PRTN3: variants seen among roughly 807,000 people sequenced by gnomAD.
PRTN3 encodes the protein proteinase 3, also known as myeloblastin.
Under a neutral mutation model 20.7 loss-of-function variants are expected in PRTN3, and 22 were observed. The ratio of observed to expected loss-of-function variants is 1.06; its 90% CI spans 0.76 to 1.52. The LOEUF (loss-of-function observed/expected upper bound fraction) is 1.52. Among genes scored for constraint, PRTN3 ranks in the 40% most tolerant of loss-of-function variants. The pLI is 0.00. For synonymous variants in PRTN3, 173 were observed against 152.9 expected (o/e 1.13, Z -0.97); for missense variants, 378 against 359.6 (o/e 1.05, Z -0.41).
chr19:843,514 C>CG lies in PRTN3; in HGVS notation c.117dup (p.Pro40AlafsTer147), dbSNP rs1356463510. The CG allele has an allele frequency of 6.3e-7, 1 of 1,589,268 alleles. No individual in the cohort carries two copies. Among genetic ancestry groups the CG allele is most frequent in the Non-Finnish European group, 8.5e-7 (1 of 1,171,022 alleles). ...CGGGCACGAGGCGCAGCCACACTCC[C>CG]GGCCCTACATGGCCTCCCTGCAGAT... On this transcript the variant is annotated frameshift_variant, in exon 2 of 5. Coordinates refer to ENST00000234347, the MANE Select transcript of PRTN3 (RefSeq NM_002777.4). LOFTEE classifies it high-confidence loss of function.
rs2035544248 is a variant in PRTN3, at chr19:848,146, CACCGTG to C, written c.*181_*186del. 1.4e-6 allele frequency: 1 copy of C among 728,000 alleles called. No homozygotes were observed. The highest frequency in any genetic ancestry group is 2.2e-6 in the Non-Finnish European group (1 of 456,968). The allele number at this position is 728,000 out of a possible 1,614,324, so 45.1% of individuals were successfully genotyped here. Reference sequence around the variant, plus strand: ...GACAGGCCGGCCCTGCACCTCACCCCACCGTGACCTCAATAAACGTTGAAACTCCCC... The same window carrying C: ...GACAGGCCGGCCCTGCACCTCACCCCACCTCAATAAACGTTGAAACTCCCC... On this transcript the variant is annotated 3_prime_UTR_variant, in exon 5 of 5. Transcript: ENST00000234347.
rs777306065 is a variant in PRTN3, at chr19:847,924, G to T, written c.726G>T (p.Trp242Cys). 1 of 1,607,554 alleles carries T rather than the reference G, an allele frequency of 6.2e-7. No individual in the cohort carries two copies. Among genetic ancestry groups the T allele is most frequent in the Admixed American group, 1.7e-5 (1 of 59,390 alleles). The change falls in exon 5 of 5, where the codon TGG (tryptophan) becomes TGT (cysteine). Residue 242 changes from tryptophan to cysteine, a missense_variant. Physicochemically the swap from Trp to Cys is radical, Grantham distance 215 (BLOSUM62 -2). Coordinates refer to ENST00000234347, the MANE Select transcript of PRTN3 (RefSeq NM_002777.4). Reference sequence around the variant, plus strand: ...CGCGGGTAGCCCTCTACGTGGACTGGATCCGTTCCACGCTGCGCCGTGTGG... The same window carrying T: ...CGCGGGTAGCCCTCTACGTGGACTGTATCCGTTCCACGCTGCGCCGTGTGG... ...FFTRVALYVDWIRSTLRRVEA... is the reference protein window; with the variant it reads ...FFTRVALYVDCIRSTLRRVEA...
At position 846,143 on chromosome 19, in the gene PRTN3, C is replaced by T. The variant is rs766017640; in HGVS notation, c.370-4C>T. ...GTCTCACCGCCGCCTGCCTTCTGCC[C>T]CAGCTGAGCAGCCCAGCCAACCTCA... On this transcript the variant is annotated splice_polypyrimidine_tract_variant and splice_region_variant and intron_variant, in intron 3 of 4. Coordinates refer to ENST00000234347, the MANE Select transcript of PRTN3 (RefSeq NM_002777.4). 2.8e-6 allele frequency: 4 copies of T among 1,417,444 alleles called. No individual in the cohort carries two copies. The South Asian group carries it at 6.0e-5, about 21-fold the overall frequency. The allele number at this position is 1,417,444 out of a possible 1,614,324, so 87.8% of individuals were successfully genotyped here.
Position 846,317 on chromosome 19 carries a change from C to A in PRTN3, c.540C>A (p.Phe180Leu), listed in dbSNP as rs1218458550. ...LQELNVTVVT[F>L]FCRPHNICTF... ...AGCTCAATGTCACCGTGGTCACCTT[C>A]TTCTGCCGGCCACATAACATTTGCA... The change falls in exon 4 of 5, where the codon TTC becomes TTA. Residue 180 changes from phenylalanine (F) to leucine (L), a missense_variant. Transcript: ENST00000234347. The A allele has an allele frequency of 6.3e-7, 1 of 1,592,900 alleles. No individual in the cohort carries two copies. The highest frequency in any genetic ancestry group is 1.7e-5 in the Admixed American group (1 of 57,422).
intron 3 of PRTN3, among the ~76,000 whole-genome samples, chr19:845,871 G>T (rs1456619307): frequency 6.6e-6 from 1 of 151,772 alleles, no homozygotes; most frequent in Non-Finnish European, 1.5e-5. Flanking sequence ...CACCCAATGG[G>T]ATGGCTCCGG....
Position 847,959 on chromosome 19 carries a change from G to T in PRTN3, c.761G>T (p.Gly254Val), listed in dbSNP as rs1568301301. Residue 254 changes from glycine to valine, a missense_variant, in exon 5 of 5, where the codon GGC (glycine) becomes GTC (valine). By Grantham distance (109) the Gly-to-Val change is moderately radical. Coordinates refer to ENST00000234347, the MANE Select transcript of PRTN3 (RefSeq NM_002777.4). ...RSTLRRVEAKGRP is the reference protein window; with the variant it reads ...RSTLRRVEAKVRP ...ACGCTGCGCCGTGTGGAGGCCAAGG[G>T]CCGCCCCTGAACCGCCCCTCCCACA... The T allele has an allele frequency of 6.2e-7, 1 of 1,600,272 alleles. No homozygotes were observed. The highest frequency in any genetic ancestry group is 1.7e-5 in the Admixed American group (1 of 58,728).
At chr19:847,380 T>A (rs1394084276) in intron 4 of PRTN3, among the ~76,000 whole-genome samples, 1 of 151,378 alleles carries the variant, frequency 6.6e-6, no homozygotes, top group Non-Finnish European at 1.5e-5. Flanking sequence ...GAGGTTGCAG[T>A]GAGCCGAGAT....
intron 4 of PRTN3, among the ~76,000 whole-genome samples, chr19:847,560 AGAGAGAG>A (rs1568301039): frequency 4.8e-5 from 7 of 147,122 alleles, no homozygotes; most frequent in African/African-American, 1.3e-4. Context: ...AAAGAAAGAG[AGAGAGAG>A]AGAGAGAGAG....
At chr19:843,420 C>A (rs1332655603) in intron 1 of PRTN3, 41 bp from the exon 2 acceptor site, 2 of 1,504,346 alleles carry the variant, frequency 1.3e-6, no homozygotes, top group Non-Finnish European at 1.8e-6. Context: ...CCTTTCCCTG[C>A]AGCCTGGGGG....
intron 1 of PRTN3, 54 bp from the exon 2 acceptor site, chr19:843,407 C>A: frequency 6.7e-7 from 1 of 1,482,710 alleles, no homozygotes; most frequent in Non-Finnish European, 9.0e-7. Flanking sequence ...CTCTGCCATC[C>A]CCCCTTTCCC....
At chr19:847,437 A>G (rs2035530437) in intron 4 of PRTN3, among the ~76,000 whole-genome samples, 1 of 151,876 alleles carries the variant, frequency 6.6e-6, no homozygotes, top group Admixed American at 6.6e-5. Context: ...ACTCTGTCGC[A>G]AACAAAACAA....
chr19:848,159 A>G lies in PRTN3; in HGVS notation c.*190A>G, dbSNP rs562155910. 5.7e-4 allele frequency: 380 copies of G among 671,370 alleles called. 1 individual carries two copies. The highest frequency in any genetic ancestry group is 2.5e-3 in the Middle Eastern group (6 of 2,366). The allele number at this position is 671,370 out of a possible 1,614,324, so 41.6% of individuals were successfully genotyped here. ...TGCACCTCACCCCACCGTGACCTCA[A>G]TAAACGTTGAAACTCCCCCTGGCTC... On this transcript the variant is annotated 3_prime_UTR_variant, in exon 5 of 5. Transcript: ENST00000234347.
intron 1 of PRTN3, among the ~76,000 whole-genome samples, chr19:841,397 T>A (rs1194350905): frequency 6.6e-6 from 1 of 152,158 alleles, no homozygotes; most frequent in Non-Finnish European, 1.5e-5. Flanking sequence ...TCAGTGAATA[T>A]GCATGAATGA....
rs764300598 is a variant in PRTN3, at chr19:847,882, T to C, written c.684T>C (p.Leu228=). 1.2e-6 allele frequency: 2 copies of C among 1,608,430 alleles called. No homozygotes were observed. Among genetic ancestry groups the C allele is most frequent in the Non-Finnish European group, 1.7e-6 (2 of 1,177,286 alleles). Reference sequence around the variant, plus strand: ...TGATCTGGGGATGTGCCACCCGCCTTTTCCCTGACTTCTTCACGCGGGTAG... The same window carrying C: ...TGATCTGGGGATGTGCCACCCGCCTCTTCCCTGACTTCTTCACGCGGGTAG... The part of the protein sequence containing the change: ...SFVIWGCATR[L]FPDFFTRVAL... The change falls in exon 5 of 5, where the codon CTT becomes CTC. Residue 228 remains leucine, a synonymous_variant. Transcript: ENST00000234347.
In PRTN3 at chr19:848,092, C is replaced by T. The variant is rs1298269750; in HGVS notation, c.*123C>T. ...CGTCCGGGACGGCCCCACCCGTCCC[C>T]CCACACTCCCTCCCACGGGGCTCCG... On this transcript the variant is annotated 3_prime_UTR_variant, in exon 5 of 5. Coordinates refer to ENST00000234347, the MANE Select transcript of PRTN3 (RefSeq NM_002777.4). 2.5e-6 allele frequency: 3 copies of T among 1,222,714 alleles called. No homozygotes were observed. Among genetic ancestry groups the T allele is most frequent in the East Asian group, 5.1e-5 (2 of 38,970 alleles). The allele number at this position is 1,222,714 out of a possible 1,614,324, so 75.7% of individuals were successfully genotyped here.
At chr19:847,207 A>G (rs934826782) in intron 4 of PRTN3, among the ~76,000 whole-genome samples, 4 of 152,074 alleles carry the variant, frequency 2.6e-5, no homozygotes, top group African/African-American at 9.7e-5. Flanking sequence ...TCAGGAGGCT[A>G]AGGCAGGAGG....
chr19:846,498 G>T, intron 4 of PRTN3, 121 bp downstream of exon 4: 5 of 1,049,880 alleles, frequency 4.8e-6, no homozygotes, highest in Non-Finnish European at 6.8e-6. Flanking sequence ...CTCCCCACCT[G>T]GAAGGTGGGC....
Position 843,476 on chromosome 19 carries a change from C to G in PRTN3, c.77C>G (p.Ala26Gly). ...ALLLSGAARAAEIVGGHEAQP... is the reference protein window; with the variant it reads ...ALLLSGAARAGEIVGGHEAQP... ...CCCCCTGCAGGTGCTGCCCGAGCTG[C>G]GGAGATCGTGGGCGGGCACGAGGCG... The change falls in exon 2 of 5, where the codon GCG becomes GGG. Residue 26 changes from alanine to glycine, a missense_variant. Ala to Gly is a moderately conservative substitution (Grantham distance 60). Transcript: ENST00000234347. 1 of 1,573,664 alleles carries G rather than the reference C, an allele frequency of 6.4e-7. No homozygotes were observed. The highest frequency in any genetic ancestry group is 2.3e-5 in the East Asian group (1 of 43,138).
chr19:841,735 T>TC (rs1327968100), intron 1 of PRTN3, among the ~76,000 whole-genome samples: 12 of 147,540 alleles, frequency 8.1e-5, no homozygotes, highest in Admixed American at 2.0e-4. Context: ...CTTTTTCTTT[T>TC]TTTTTTTTTT....
Sources: gnomAD v4.1 joint callset for allele counts (sites outside exome capture counted in the v4.1 genomes callset) on GRCh38, gnomAD v4.1.1 for gene constraint, MANE v1.5 for transcripts, NCBI Gene and HGNC (gene_info 2026-07-23, HGNC 2026-07-21) for gene names.